The following ABLIM2 variants were observed in gnomAD, a reference collection of about 807,000 sequenced individuals.
The protein encoded by ABLIM2 is actin-binding LIM protein 2.
A neutral mutation model predicts 97.7 loss-of-function variants in ABLIM2; 53 were observed. The ratio of observed to expected loss-of-function variants is 0.54; its 90% confidence interval spans 0.44 to 0.68. ABLIM2 has a LOEUF of 0.68. ABLIM2 is among the 30% of genes least tolerant of loss of function. ABLIM2 has a pLI of 0.00. For synonymous variants in ABLIM2, 361 were observed against 345.8 expected, an observed-to-expected ratio of 1.04 and a Z score of -0.49; for missense variants, 835 against 867.2, an observed-to-expected ratio of 0.96 and a Z score of 0.47.
rs142805053 is a variant in ABLIM2 at position 8,068,029 on chromosome 4, T to G, written c.676-6975A>C. Among the ~76,000 whole-genome samples the G allele has an allele frequency of 1.2e-3, 189 of 152,246 alleles. No homozygotes were observed. Among genetic ancestry groups the G allele is most frequent in the African/African-American group, 4.2e-3 (176 of 41,546 alleles). On this transcript the variant is annotated intron_variant, in intron 6 of 20. Coordinates refer to ENST00000447017, the MANE Select transcript of ABLIM2 (RefSeq NM_001130083.2). This position sits in a 1 kb window ranked among gnomAD's most constrained non-coding sequence, Gnocchi z 4.5. Reference sequence around the variant, plus strand: ...ATGGAGTCAAAAATTAGAAGTGTCCTCATTCCCTGTGTCACCTCCTGTTGT... The same window carrying G: ...ATGGAGTCAAAAATTAGAAGTGTCCGCATTCCCTGTGTCACCTCCTGTTGT...
rs1457016991 is a variant in ABLIM2 at position 8,069,349 on chromosome 4, AGAAT to A, written c.675+8275_675+8278del. Among the ~76,000 whole-genome samples, 1 of 152,390 alleles carries A rather than the reference AGAAT, an allele frequency of 6.6e-6. No individual in the cohort carries two copies. The highest frequency in any genetic ancestry group is 6.5e-5 in the Admixed American group (1 of 15,310). Reference sequence around the variant, plus strand: ...GACTAAGTTTGGGAAAGGCTAGGGCAGAATCCCGCCTGTGGATGTTCACACGCAC... The same window carrying A: ...GACTAAGTTTGGGAAAGGCTAGGGCACCCGCCTGTGGATGTTCACACGCAC... On this transcript the variant is annotated intron_variant, in intron 6 of 20. Transcript: ENST00000447017. This position sits in a 1 kb window ranked among gnomAD's most constrained non-coding sequence, Gnocchi z 4.2.
intron 1 of ABLIM2, among the ~76,000 whole-genome samples, chr4:8,156,424 T>G (rs1460637213): frequency 6.6e-6 from 1 of 152,188 alleles, no homozygotes; most frequent in East Asian, 1.9e-4. Flanking sequence ...GCCATCTCCT[T>G]CCACCTTGCC....
intron 8 of ABLIM2, among the ~76,000 whole-genome samples, chr4:8,051,371 AC>A (rs1470386043): frequency 7.1e-6 from 1 of 140,694 alleles, no homozygotes; most frequent in African/African-American, 2.7e-5. Flanking sequence ...ACATAATGAA[AC>A]CCTGTCTCTA....
At position 7,996,680 on chromosome 4, in the gene ABLIM2, T is replaced by C. The variant is rs572785488; in HGVS notation, c.1619-3753A>G. 6.6e-6 allele frequency among the ~76,000 whole-genome samples: 1 copy of C among 152,230 alleles called. No individual in the cohort carries two copies. Among genetic ancestry groups the C allele is most frequent in the African/African-American group, 2.4e-5 (1 of 41,466 alleles). On this transcript the variant is annotated intron_variant, in intron 16 of 20. Coordinates refer to ENST00000447017, the MANE Select transcript of ABLIM2 (RefSeq NM_001130083.2). This position sits in a 1 kb window ranked among gnomAD's most constrained non-coding sequence, Gnocchi z 4.5. Reference sequence around the variant, plus strand: ...CGACGTTCTTCTTTCCTTTCTGAAGTTCCAAGCCTTCTTCTATTATCATTT... The same window carrying C: ...CGACGTTCTTCTTTCCTTTCTGAAGCTCCAAGCCTTCTTCTATTATCATTT...
At position 8,022,943 on chromosome 4, in the gene ABLIM2, CTCCTCT is replaced by C. The variant is rs1032258461; in HGVS notation, c.1268-2646_1268-2641del. 5 of 154,808 alleles carry C rather than the reference CTCCTCT, an allele frequency of 3.2e-5. No homozygotes were observed. The highest frequency in any genetic ancestry group is 9.7e-5 in the African/African-American group (4 of 41,250). The allele number at this position is 154,808 out of a possible 1,614,324, so 9.6% of individuals were successfully genotyped here. On this transcript the variant is annotated intron_variant, in intron 12 of 20. Transcript: ENST00000447017. This position sits in a 1 kb window ranked among gnomAD's most constrained non-coding sequence, Gnocchi z 7.8. Reference sequence around the variant, plus strand: ...CCACTTTTTCCTCTTCCTCCTCCTCCTCCTCTTCTTTTTCCTCTTCCTCCTCTGCCT... The same window carrying C: ...CCACTTTTTCCTCTTCCTCCTCCTCCTCTTTTTCCTCTTCCTCCTCTGCCT...
rs1174782139 is a variant in ABLIM2 at position 8,128,166 on chromosome 4, C to G, written c.11-21529G>C. Among the ~76,000 whole-genome samples the G allele has an allele frequency of 1.3e-5, 2 of 152,208 alleles. No homozygotes were observed. Among genetic ancestry groups the G allele is most frequent in the Admixed American group, 1.3e-4 (2 of 15,288 alleles). Reference sequence around the variant, plus strand: ...TCAGGGCTCCTGTTTCTGCCCCCACCTTCACAGGCCGTCTTCCCTGTGTGT... The same window carrying G: ...TCAGGGCTCCTGTTTCTGCCCCCACGTTCACAGGCCGTCTTCCCTGTGTGT... On this transcript the variant is annotated intron_variant, in intron 1 of 20. Transcript: ENST00000447017. The surrounding 1 kb of genome is among the most constrained non-coding windows in gnomAD (Gnocchi z 4.9).
rs564936960 is a variant in ABLIM2 at position 8,117,963 on chromosome 4, T to A, written c.11-11326A>T. Among the ~76,000 whole-genome samples the A allele has an allele frequency of 9.2e-5, 14 of 152,336 alleles. No individual in the cohort carries two copies. The Middle Eastern group carries it at 0.01, about 111-fold the overall frequency. ...CAAGCCCCACATTCTCTGGGCTTCATGCAGGACATCACAGCCAAACACAGC... is the reference window on the plus strand; with the variant it reads ...CAAGCCCCACATTCTCTGGGCTTCAAGCAGGACATCACAGCCAAACACAGC... On this transcript the variant is annotated intron_variant, in intron 1 of 20. Coordinates refer to ENST00000447017, the MANE Select transcript of ABLIM2 (RefSeq NM_001130083.2).
chr4:8,018,668 G>A (rs1436728576), intron 14 of ABLIM2, among the ~76,000 whole-genome samples: 7 of 152,208 alleles, frequency 4.6e-5, no homozygotes, highest in Non-Finnish European at 1.0e-4. Context: ...CAAGTCACAG[G>A]AAACACACTT....
In ABLIM2 at chr4:8,004,068, A is replaced by G. The variant is rs28548554; in HGVS notation, c.1618+3991T>C. On this transcript the variant is annotated intron_variant, in intron 16 of 20. Coordinates refer to ENST00000447017, the MANE Select transcript of ABLIM2 (RefSeq NM_001130083.2). This position sits in a 1 kb window ranked among gnomAD's most constrained non-coding sequence, Gnocchi z 5.9. The stretch of plus-strand genomic sequence containing the variant: ...ATCTTGCAGCTCCAGAGGAGTAAAA[A>G]GGGAAAGGAGGAAGACCACCTCTGC... 0.49 allele frequency among the ~76,000 whole-genome samples: 74,913 copies of G among 151,570 alleles called. 18,820 individuals carry two copies. Among genetic ancestry groups the G allele is most frequent in the African/African-American group, 0.58 (24,081 of 41,266 alleles).
At chr4:8,136,550 G>A (rs1355732719) in intron 1 of ABLIM2, among the ~76,000 whole-genome samples, 2 of 152,190 alleles carry the variant, frequency 1.3e-5, no homozygotes, top group African/African-American at 2.4e-5. Flanking sequence ...GTACCAGGTG[G>A]GGGCCTCGCC....
At position 8,001,064 on chromosome 4, in the gene ABLIM2, G is replaced by A. The variant is rs1021159074; in HGVS notation, c.1618+6995C>T. On this transcript the variant is annotated intron_variant, in intron 16 of 20. Coordinates refer to ENST00000447017, the MANE Select transcript of ABLIM2 (RefSeq NM_001130083.2). This position sits in a 1 kb window ranked among gnomAD's most constrained non-coding sequence, Gnocchi z 4.2. ...TGGGTGCACGGGCAGGAGGTTTGGA[G>A]GCTGTGGCACTGCACAGGTTCGGGT... Among the ~76,000 whole-genome samples the A allele has an allele frequency of 6.6e-6, 1 of 152,222 alleles. No homozygotes were observed. The highest frequency in any genetic ancestry group is 6.5e-5 in the Admixed American group (1 of 15,288).
chr4:8,020,606 C>T (rs571735517), intron 12 of ABLIM2: 78 of 451,126 alleles, frequency 1.7e-4, no homozygotes, highest in African/African-American at 1.1e-3. Context: ...ACTCCATCTG[C>T]GCCTCTGCAT....
intron 1 of ABLIM2, among the ~76,000 whole-genome samples, chr4:8,153,352 G>A (rs906590230): frequency 6.6e-6 from 1 of 152,128 alleles, no homozygotes; most frequent in Admixed American, 6.5e-5. Flanking sequence ...CCATCTCATT[G>A]ACAGAAACCA....
rs1437014795 is a variant in ABLIM2, at chr4:8,091,474, T to C, written c.339-3190A>G. 3.9e-4 allele frequency among the ~76,000 whole-genome samples: 19 copies of C among 48,322 alleles called. 1 individual carries two copies. The highest frequency in any genetic ancestry group is 1.3e-3 in the African/African-American group (18 of 13,952). 31.7% of individuals were successfully genotyped at this position (48,322 alleles called of 152,430 possible). A position where few individuals can be genotyped will look rare whatever the true frequency, so the allele number is the denominator to read the frequency against. On this transcript the variant is annotated intron_variant, in intron 3 of 20. Transcript: ENST00000447017. ...TATATAATTATATAATTATATATAATATATAATATTTTATATTTTATATAT... is the reference window on the plus strand; with the variant it reads ...TATATAATTATATAATTATATATAACATATAATATTTTATATTTTATATAT...
At position 8,113,605 on chromosome 4, in the gene ABLIM2, T is replaced by TACTC. The variant is rs1453746287; in HGVS notation, c.11-6972_11-6969dup. ...AGAATGGGCAGGGGACCCCCTTGTG[T>TACTC]ACTCACACAGGGGAAAACTTGGGGT... is the stretch of plus-strand genomic sequence containing the variant. On this transcript the variant is annotated intron_variant, in intron 1 of 20. Transcript: ENST00000447017. The surrounding 1 kb of genome is among the most constrained non-coding windows in gnomAD (Gnocchi z 4.5). 6.6e-6 allele frequency among the ~76,000 whole-genome samples: 1 copy of TACTC among 152,178 alleles called. No individual in the cohort carries two copies. The highest frequency in any genetic ancestry group is 2.4e-5 in the African/African-American group (1 of 41,438).
intron 1 of ABLIM2, among the ~76,000 whole-genome samples, chr4:8,152,346 C>T (rs866820149): frequency 2.0e-4 from 30 of 152,216 alleles, no homozygotes; most frequent in African/African-American, 6.3e-4. Context: ...ACACCAGGCA[C>T]CAGACGGGAC....
At chr4:8,055,723 C>CA (rs1352488401) in intron 7 of ABLIM2, among the ~76,000 whole-genome samples, 2 of 152,210 alleles carry the variant, frequency 1.3e-5, no homozygotes, top group East Asian at 3.8e-4. Flanking sequence ...GACATAGCAG[C>CA]AACTCGAAGC....
rs1037632349 is a variant in ABLIM2 at position 8,085,196 on chromosome 4, A to G, written c.454+2973T>C. The stretch of plus-strand genomic sequence containing the variant: ...TTGAGCTCTGCCTCAAGAGCCAGCC[A>G]CTCTCCCCTCCCCAGGGAGGGGCAG... On this transcript the variant is annotated intron_variant, in intron 4 of 20. Transcript: ENST00000447017. The surrounding 1 kb of genome is among the most constrained non-coding windows in gnomAD (Gnocchi z 6.1). 6.7e-6 allele frequency among the ~76,000 whole-genome samples: 1 copy of G among 148,736 alleles called. No homozygotes were observed. The highest frequency in any genetic ancestry group is 2.5e-5 in the African/African-American group (1 of 40,254).
At chr4:8,029,201 GA>G (rs1779270457) in intron 11 of ABLIM2, among the ~76,000 whole-genome samples, 1 of 152,178 alleles carries the variant, frequency 6.6e-6, no homozygotes. Context: ...AGCCACAGGT[GA>G]AATGTTAATG....
Sources: gnomAD v4.1 joint callset for allele counts (sites outside exome capture counted in the v4.1 genomes callset) on GRCh38, gnomAD v4.1.1 for gene constraint, Gnocchi (gnomAD v3.1) non-coding constraint, MANE v1.5 for transcripts, NCBI Gene and HGNC (gene_info 2026-07-23, HGNC 2026-07-21) for gene names.